Variants in RBPMS observed in about 807,000 individuals in gnomAD.
RBPMS encodes the protein RNA-binding protein with multiple splicing.
A neutral mutation model predicts 26.8 loss-of-function variants in RBPMS; 7 were observed. The ratio of observed to expected loss-of-function variants is 0.26; its 90% CI spans 0.15 to 0.49. The LOEUF (loss-of-function observed/expected upper bound fraction) is 0.49, where lower values mean the gene tolerates loss of function less well. Among genes scored for constraint, RBPMS ranks in the 20% least tolerant of loss-of-function variants. The pLI is 0.98. For missense variants in RBPMS, 186 were observed against 250.0 expected, an observed-to-expected ratio of 0.74 and a Z score of 1.73; for synonymous variants, 96 against 93.3, an observed-to-expected ratio of 1.03 and a Z score of -0.17.
At chr8:30,477,727 C>T in intron 2 of RBPMS, 72 bp from the exon 3 acceptor site, 1 of 1,097,234 alleles carries the variant, frequency 9.1e-7, no homozygotes, top group Non-Finnish European at 1.4e-6. Flanking sequence ...CAATAAAGAA[C>T]TTATTTTTAC....
chr8:30,431,180 G>T (rs997155914), intron 1 of RBPMS, among the ~76,000 whole-genome samples: 1 of 152,030 alleles, frequency 6.6e-6, no homozygotes, highest in Non-Finnish European at 1.5e-5. Flanking sequence ...TATCCAGGGG[G>T]AGAAAAAATA....
At chr8:30,526,514 A>G (rs1444450453) in intron 5 of RBPMS, among the ~76,000 whole-genome samples, 1 of 152,226 alleles carries the variant, frequency 6.6e-6, no homozygotes. Flanking sequence ...CCACTGAGAT[A>G]AATTTTCTAA....
At position 30,441,834 on chromosome 8, in the gene RBPMS, C is replaced by T. The variant is rs189889000; in HGVS notation, c.67-32945C>T. Among the ~76,000 whole-genome samples the T allele has an allele frequency of 3.9e-4, 59 of 152,248 alleles. 1 individual carries two copies. The highest frequency in any genetic ancestry group is 1.7e-3 in the East Asian group (9 of 5,178). ...TTTTTCTTTTTTTGAGACGGAGTCT[C>T]GCTGGAGTTCAGTGGCACAGTCTCG... On this transcript the variant is annotated intron_variant, in intron 1 of 8. Transcript: ENST00000397323.
In RBPMS at chr8:30,511,018, G is replaced by A. The variant is rs569244588; in HGVS notation, c.397+6582G>A. Among the ~76,000 whole-genome samples the A allele has an allele frequency of 2.3e-4, 34 of 151,014 alleles. No individual in the cohort carries two copies. The South Asian group carries it at 4.3e-3, about 19-fold the overall frequency. ...TTTCAGGGCTGGTCAACTTCTTATT[G>A]AAAAAAATCAAGGCCAGGCGTGGTG... is the stretch of plus-strand genomic sequence containing the variant. On this transcript the variant is annotated intron_variant, in intron 5 of 8. Transcript: ENST00000397323.
chr8:30,554,887 G>A (rs1401341328), intron 6 of RBPMS, among the ~76,000 whole-genome samples: 1 of 152,174 alleles, frequency 6.6e-6, no homozygotes, highest in African/African-American at 2.4e-5. Flanking sequence ...TCAGCCCCTA[G>A]AAAGGGGATA....
At chr8:30,457,844 G>A (rs1317177485) in intron 1 of RBPMS, among the ~76,000 whole-genome samples, 1 of 152,038 alleles carries the variant, frequency 6.6e-6, no homozygotes, top group Non-Finnish European at 1.5e-5. Context: ...CCAAAGTGCT[G>A]GGATTACAGG....
chr8:30,492,112 G>A (rs1046274378), intron 4 of RBPMS, among the ~76,000 whole-genome samples: 2 of 152,070 alleles, frequency 1.3e-5, no homozygotes, highest in African/African-American at 2.4e-5. Flanking sequence ...GGCTGGTCTC[G>A]AACTCCTGAC....
chr8:30,516,853 A>C (rs1822363288), intron 5 of RBPMS, among the ~76,000 whole-genome samples: 1 of 150,642 alleles, frequency 6.6e-6, no homozygotes, highest in Admixed American at 6.7e-5. Context: ...TTGTCTGTGA[A>C]TGGTCACTGC....
rs377451307 is a variant in RBPMS at position 30,554,510 on chromosome 8, TTCTC to T, written c.529-4373_529-4370del. ...CTGCTGAAGGGACCAAATTGTGCAT[TTCTC>T]TCTAATGTCCTTGACATTAGAGCAT... On this transcript the variant is annotated intron_variant, in intron 6 of 8. Coordinates refer to ENST00000397323, the MANE Select transcript of RBPMS (RefSeq NM_001008710.3). Among the ~76,000 whole-genome samples, 65 of 152,310 alleles carry T rather than the reference TTCTC, an allele frequency of 4.3e-4. 1 individual carries two copies. In the East Asian group the frequency reaches 0.012, roughly 28 times the overall value.
intron 5 of RBPMS, among the ~76,000 whole-genome samples, chr8:30,534,708 G>A (rs982358009): frequency 6.6e-6 from 1 of 152,224 alleles, no homozygotes; most frequent in African/African-American, 2.4e-5. Context: ...GTGCTATGAA[G>A]TATATTTTGG....
chr8:30,529,277 TACAA>T (rs1823943417), intron 5 of RBPMS, among the ~76,000 whole-genome samples: 1 of 152,066 alleles, frequency 6.6e-6, no homozygotes, highest in Admixed American at 6.6e-5. Context: ...TTTTTTAGTG[TACAA>T]TTCAGTGACA....
At chr8:30,559,909 CT>C (rs1475022743) in intron 7 of RBPMS, among the ~76,000 whole-genome samples, 1 of 152,258 alleles carries the variant, frequency 6.6e-6, no homozygotes, top group South Asian at 2.1e-4. Flanking sequence ...AACTAGTGTT[CT>C]TTTCTTTTTG....
intron 5 of RBPMS, among the ~76,000 whole-genome samples, chr8:30,539,843 C>T (rs1009625029): frequency 1.3e-5 from 2 of 152,108 alleles, no homozygotes; most frequent in African/African-American, 2.4e-5. Flanking sequence ...CCAAGCTGGT[C>T]TCGAACTCCA....
chr8:30,472,303 A>G (rs1817204812), intron 1 of RBPMS, among the ~76,000 whole-genome samples: 1 of 152,240 alleles, frequency 6.6e-6, no homozygotes, highest in Non-Finnish European at 1.5e-5. Flanking sequence ...AAGAAGCCAG[A>G]TGAAAAGGGT....
At chr8:30,466,767 T>C (rs1816550618) in intron 1 of RBPMS, among the ~76,000 whole-genome samples, 1 of 152,086 alleles carries the variant, frequency 6.6e-6, no homozygotes, top group African/African-American at 2.4e-5. Flanking sequence ...CTAATTTTTG[T>C]ATTTTTAGTA....
In RBPMS at chr8:30,544,612, A is replaced by C. The variant is rs774476635; in HGVS notation, c.516A>C (p.Ser172=). Residue 172 remains serine (S), a synonymous_variant, in exon 6 of 9, where the codon TCA becomes TCC. Transcript: ENST00000397323. The part of the protein sequence containing the change: ...LPPPAFTYPA[S]LHAQMRWLPP... ...CTCCTGCTTTCACCTATCCCGCTTC[A>C]CTGCATGCCCAGGTAATTGATACCC... 3.4e-5 allele frequency: 55 copies of C among 1,613,930 alleles called. No homozygotes were observed. Among genetic ancestry groups the C allele is most frequent in the Non-Finnish European group, 4.3e-5 (51 of 1,180,022 alleles).
chr8:30,568,654 CTGCTCCT>C (rs1828059099), intron 8 of RBPMS, among the ~76,000 whole-genome samples: 1 of 152,202 alleles, frequency 6.6e-6, no homozygotes, highest in Non-Finnish European at 1.5e-5. Flanking sequence ...CGAGGAGAAC[CTGCTCCT>C]AATCAGAGCC....
intron 4 of RBPMS, among the ~76,000 whole-genome samples, chr8:30,485,997 GT>G (rs1237788923): frequency 6.6e-6 from 1 of 152,214 alleles, no homozygotes; most frequent in African/African-American, 2.4e-5. Context: ...AGAAGAGTAA[GT>G]TGGTTATTTG....
chr8:30,494,657 T>A (rs905910928), intron 4 of RBPMS, among the ~76,000 whole-genome samples: 1 of 152,272 alleles, frequency 6.6e-6, no homozygotes, highest in Non-Finnish European at 1.5e-5. Context: ...CAAAATTGAT[T>A]GTGATGCTGA....
Sources: allele counts gnomAD v4.1 joint callset (sites outside exome capture counted in the v4.1 genomes callset), GRCh38; gene constraint gnomAD v4.1.1; transcripts MANE v1.5; gene names NCBI Gene and HGNC (gene_info 2026-07-23, HGNC 2026-07-21).